The following SLC35F1 variants were observed in gnomAD, a reference collection of about 807,000 sequenced individuals.
SLC35F1 encodes solute carrier family 35 member F1.
SLC35F1 carries 14 observed loss-of-function variants against 48.7 expected under a neutral mutation model. The ratio of observed to expected loss-of-function variants is 0.29; its 90% CI spans 0.19 to 0.45. The LOEUF is 0.45. Among genes scored for constraint, SLC35F1 ranks in the 20% least tolerant of loss-of-function variants. The pLI, the probability that SLC35F1 is intolerant of heterozygous loss-of-function variation, is 1.00. For missense variants in SLC35F1, 404 were observed against 500.0 expected, an observed-to-expected ratio of 0.81 and a Z score of 1.83; for synonymous variants, 190 against 202.2, an observed-to-expected ratio of 0.94 and a Z score of 0.51.
intron 1 of SLC35F1, among the ~76,000 whole-genome samples, chr6:118,144,182 C>T (rs1436708927): frequency 6.6e-6 from 1 of 152,128 alleles, no homozygotes; most frequent in African/African-American, 2.4e-5. Flanking sequence ...GATATGGAAT[C>T]AACCCAAATG....
chr6:117,907,419 A>G lies in SLC35F1; in HGVS notation c.-308A>G. 1 of 200,046 alleles carries G rather than the reference A, an allele frequency of 5.0e-6. No homozygotes were observed. Among genetic ancestry groups the G allele is most frequent in the Non-Finnish European group, 1.0e-5 (1 of 99,986 alleles). The allele number at this position is 200,046 out of a possible 1,614,324, so 12.4% of individuals were successfully genotyped here. ...CGGCAGCTCCGCGCCCCCGCGCGACACCCTTCGCAGCCACTTCGCGGGGCG... is the reference window on the plus strand; with the variant it reads ...CGGCAGCTCCGCGCCCCCGCGCGACGCCCTTCGCAGCCACTTCGCGGGGCG... On this transcript the variant is annotated 5_prime_UTR_variant, in exon 1 of 8. Coordinates refer to ENST00000360388, the MANE Select transcript of SLC35F1 (RefSeq NM_001029858.4).
At chr6:118,031,011 A>G (rs1160412753) in intron 1 of SLC35F1, among the ~76,000 whole-genome samples, 2 of 152,174 alleles carry the variant, frequency 1.3e-5, no homozygotes, top group Non-Finnish European at 1.5e-5. Context: ...CCTGAGTGGA[A>G]AATACATAGT....
Position 118,207,880 on chromosome 6 carries a change from C to A in SLC35F1, c.350-27629C>A, listed in dbSNP as rs143079313. ...ACACTTAAATATTTAATGGAATTAG[C>A]TACCTGGTATGAATGAAATCCAGTT... On this transcript the variant is annotated intron_variant, in intron 2 of 7. Coordinates refer to ENST00000360388, the MANE Select transcript of SLC35F1 (RefSeq NM_001029858.4). 5.1e-3 allele frequency among the ~76,000 whole-genome samples: 769 copies of A among 152,260 alleles called. 9 individuals carry two copies. Among genetic ancestry groups the A allele is most frequent in the African/African-American group, 0.017 (726 of 41,544 alleles).
chr6:117,999,202 A>G (rs12212953), intron 1 of SLC35F1: 349,560 of 1,593,756 alleles, frequency 0.22, 40,877 homozygotes, highest in East Asian at 0.29. Context: ...AGGCCCTCGT[A>G]AAGCCCAAGG....
At chr6:118,059,023 T>C (rs1434199847) in intron 1 of SLC35F1, among the ~76,000 whole-genome samples, 1 of 152,210 alleles carries the variant, frequency 6.6e-6, no homozygotes, top group Non-Finnish European at 1.5e-5. Flanking sequence ...TTAAGAATAA[T>C]TTAATTAGTT....
At chr6:117,989,046 T>C (rs1318905653) in intron 1 of SLC35F1, among the ~76,000 whole-genome samples, 8 of 152,192 alleles carry the variant, frequency 5.3e-5, no homozygotes, top group Non-Finnish European at 1.2e-4. Flanking sequence ...GAGAGGAAGT[T>C]GGTAGTACCC....
At chr6:117,952,749 A>C (rs1776380634) in intron 1 of SLC35F1, among the ~76,000 whole-genome samples, 1 of 152,214 alleles carries the variant, frequency 6.6e-6, no homozygotes, top group Non-Finnish European at 1.5e-5. Context: ...TCTTCAGTCT[A>C]ATCATCCTTA....
intron 1 of SLC35F1, among the ~76,000 whole-genome samples, chr6:118,044,850 G>A (rs1772278060): frequency 6.6e-6 from 1 of 151,960 alleles, no homozygotes; most frequent in Admixed American, 6.6e-5. Flanking sequence ...GCACTTCATC[G>A]TGGCTCAGAA....
At chr6:117,980,775 G>T (rs1445979232) in intron 1 of SLC35F1, among the ~76,000 whole-genome samples, 1 of 152,134 alleles carries the variant, frequency 6.6e-6, no homozygotes. Context: ...GGGACTATTC[G>T]GTTTTTCAAA....
chr6:118,235,599 T>C lies in SLC35F1; in HGVS notation c.440T>C (p.Val147Ala), dbSNP rs1160362803. ...GACCTGGAAGCAAATTATCTGGTGG[T>C]CAAGGCTTACCAATACACAACTCTG... Reference protein sequence around the residue: ...LIDLEANYLVVKAYQYTTLTS... With the variant: ...LIDLEANYLVAKAYQYTTLTS... Residue 147 changes from valine to alanine, a missense_variant, in exon 3 of 8, where the codon GTC becomes GCC. Around this residue, in one of 2 missense-constraint regions of SLC35F1, gnomAD observed 306 missense variants for 419.1 expected, o/e 0.73. Coordinates refer to ENST00000360388, the MANE Select transcript of SLC35F1 (RefSeq NM_001029858.4). 1.2e-6 allele frequency: 2 copies of C among 1,613,584 alleles called. No homozygotes were observed. Among genetic ancestry groups the C allele is most frequent in the Non-Finnish European group, 1.7e-6 (2 of 1,179,666 alleles).
At chr6:118,042,781 G>A (rs1772244663) in intron 1 of SLC35F1, among the ~76,000 whole-genome samples, 1 of 152,150 alleles carries the variant, frequency 6.6e-6, no homozygotes, top group Non-Finnish European at 1.5e-5. Context: ...CGATCTAAGA[G>A]ACAATTCTGC....
chr6:118,131,321 G>C (rs1360787654), intron 1 of SLC35F1, among the ~76,000 whole-genome samples: 1 of 152,104 alleles, frequency 6.6e-6, no homozygotes, highest in Non-Finnish European at 1.5e-5. Flanking sequence ...TTTTATTAAA[G>C]AGTTTTTTGC....
intron 1 of SLC35F1, among the ~76,000 whole-genome samples, chr6:117,972,252 C>T (rs1183418125): frequency 3.3e-5 from 5 of 152,214 alleles, no homozygotes; most frequent in Non-Finnish European, 1.5e-5. Context: ...GAGACCACCT[C>T]AGCCTGGACT....
At chr6:117,954,727 A>G (rs1306957094) in intron 1 of SLC35F1, among the ~76,000 whole-genome samples, 1 of 152,150 alleles carries the variant, frequency 6.6e-6, no homozygotes, top group Non-Finnish European at 1.5e-5. Flanking sequence ...TGTGGACCCA[A>G]AACTTCTGTA....
rs1320666090 is a variant in SLC35F1, at chr6:117,907,488, G to T, written c.-239G>T. On this transcript the variant is annotated 5_prime_UTR_variant, in exon 1 of 8. Transcript: ENST00000360388. The stretch of plus-strand genomic sequence containing the variant: ...CGGCTCGGGAAGAGCCGGGGCGGGC[G>T]GCGGCGGCGGCGGCACGGGCGCGAG... The T allele has an allele frequency of 1.5e-5, 4 of 271,004 alleles. No homozygotes were observed. Among genetic ancestry groups the T allele is most frequent in the Non-Finnish European group, 2.7e-5 (4 of 147,118 alleles). 16.8% of individuals were successfully genotyped at this position (271,004 alleles called of 1,614,324 possible). A position where few individuals can be genotyped will look rare whatever the true frequency, so the allele number is the denominator to read the frequency against.
chr6:118,058,917 A>G (rs765528365), intron 1 of SLC35F1, among the ~76,000 whole-genome samples: 1 of 152,196 alleles, frequency 6.6e-6, no homozygotes, highest in Non-Finnish European at 1.5e-5. Context: ...TTCATTTTCT[A>G]CTGAAATTTT....
intron 1 of SLC35F1, among the ~76,000 whole-genome samples, chr6:118,039,641 T>TA (rs58213045): frequency 1.1e-4 from 16 of 152,072 alleles, no homozygotes; most frequent in African/African-American, 2.6e-4. Context: ...AGTCTTTTTT[T>TA]AAAAAATTGC....
intron 2 of SLC35F1, among the ~76,000 whole-genome samples, chr6:118,175,880 G>A (rs971035932): frequency 6.6e-6 from 1 of 151,974 alleles, no homozygotes; most frequent in Non-Finnish European, 1.5e-5. Context: ...TCTAATTTCA[G>A]ACACAGTCAA....
chr6:117,980,862 G>A (rs146316388), intron 1 of SLC35F1, among the ~76,000 whole-genome samples: 2 of 152,290 alleles, frequency 1.3e-5, no homozygotes, highest in South Asian at 4.1e-4. Context: ...TTAAGGTAGT[G>A]GGAGGGATAT....
Sources: gnomAD v4.1 joint callset for allele counts (sites outside exome capture counted in the v4.1 genomes callset) on GRCh38, gnomAD v4.1.1 for gene constraint, gnomAD v4.1.1 regional missense constraint, MANE v1.5 for transcripts, NCBI Gene and HGNC (gene_info 2026-07-23, HGNC 2026-07-21) for gene names.